The following NUP58 variants were observed in gnomAD, a reference collection of about 807,000 sequenced individuals.
NUP58 encodes the protein nucleoporin p58/p45.
A neutral mutation model predicts 70.1 loss-of-function variants in NUP58; 17 were observed. The observed-to-expected ratio is 0.24, with a 90% CI of 0.17 to 0.36. NUP58 has a LOEUF of 0.36. Among genes scored for constraint, NUP58 ranks in the 10% least tolerant of loss-of-function variants. The pLI is 1.00. For synonymous variants in NUP58, 275 were observed against 257.6 expected (o/e 1.07, Z -0.65); for missense variants, 644 against 701.5 (o/e 0.92, Z 0.93).
intron 14 of NUP58, among the ~76,000 whole-genome samples, chr13:25,337,865 C>T (rs1593202096): frequency 6.6e-6 from 1 of 152,086 alleles, no homozygotes; most frequent in Admixed American, 6.5e-5. Flanking sequence ...CTGTCACACT[C>T]AGTATTTTAG....
In NUP58 at chr13:25,342,228, A is replaced by C. The variant is rs2031979289; in HGVS notation, c.*2094A>C. On this transcript the variant is annotated 3_prime_UTR_variant, in exon 16 of 16. Coordinates refer to ENST00000381736, the MANE Select transcript of NUP58 (RefSeq NM_014089.4). Reference sequence around the variant, plus strand: ...TTTAAAAGACATTTCATTGTACTGCAAAAATCTGAATATTTATATTTCTTG... The same window carrying C: ...TTTAAAAGACATTTCATTGTACTGCCAAAATCTGAATATTTATATTTCTTG... 1 of 152,646 alleles carries C rather than the reference A, an allele frequency of 6.6e-6. No homozygotes were observed. The highest frequency in any genetic ancestry group is 2.4e-5 in the African/African-American group (1 of 41,454). 9.5% of individuals were successfully genotyped at this position (152,646 alleles called of 1,614,324 possible). A position where few individuals can be genotyped will look rare whatever the true frequency, so the allele number is the denominator to read the frequency against.
intron 6 of NUP58, among the ~76,000 whole-genome samples, chr13:25,317,424 T>C (rs1334156851): frequency 2.0e-5 from 3 of 152,310 alleles, no homozygotes; most frequent in Admixed American, 2.0e-4. Flanking sequence ...CATGGAGAAC[T>C]GTTAGGAAGC....
chr13:25,317,003 C>T (rs138515885), intron 6 of NUP58, among the ~76,000 whole-genome samples: 2 of 152,200 alleles, frequency 1.3e-5, no homozygotes, highest in East Asian at 3.9e-4. Context: ...TCCCAGTTCC[C>T]TTTTATCTAT....
At chr13:25,317,371 T>A (rs1406250915) in intron 6 of NUP58, among the ~76,000 whole-genome samples, 3 of 152,206 alleles carry the variant, frequency 2.0e-5, no homozygotes, top group African/African-American at 7.2e-5. Flanking sequence ...AAGAGCATTC[T>A]GACAGCCATA....
At chr13:25,342,953 C>A (rs2031994936), downstream of NUP58, among the ~76,000 whole-genome samples, 1 of 152,114 alleles carries the variant, frequency 6.6e-6, no homozygotes, top group Admixed American at 6.5e-5. Flanking sequence ...CATACTGTCC[C>A]ATAGAATGGG....
chr13:25,310,371 C>T (rs1356251534), intron 3 of NUP58, among the ~76,000 whole-genome samples: 1 of 151,784 alleles, frequency 6.6e-6, no homozygotes, highest in African/African-American at 2.4e-5. Flanking sequence ...CAGGCATGTG[C>T]CACCACGCCT....
At chr13:25,332,787 ATTG>A in intron 13 of NUP58, 1 of 985,262 alleles carries the variant, frequency 1.0e-6, no homozygotes, top group African/African-American at 1.7e-5. Context: ...GTAGGATTGC[ATTG>A]TTAAGTTATG....
chr13:25,304,521 T>TGTGTA (rs1491553153), intron 1 of NUP58, among the ~76,000 whole-genome samples: 18 of 53,394 alleles, frequency 3.4e-4, no homozygotes, highest in African/African-American at 1.1e-3. Flanking sequence ...TATATATGTA[T>TGTGTA]TTTTTTTTTT....
At chr13:25,347,543 A>C (rs1192643448) in intron 3 of NUP58, among the ~76,000 whole-genome samples, 1 of 152,170 alleles carries the variant, frequency 6.6e-6, no homozygotes, top group Non-Finnish European at 1.5e-5. Flanking sequence ...TAGCAACCAC[A>C]AGTCTCAGTG....
intron 1 of NUP58, among the ~76,000 whole-genome samples, chr13:25,305,034 G>T (rs903269193): frequency 2.0e-5 from 3 of 151,286 alleles, no homozygotes; most frequent in Admixed American, 6.6e-5. Context: ...CGCTCACTTA[G>T]GTTTCTGTGT....
chr13:25,311,197 C>CA (rs919066992), intron 3 of NUP58, among the ~76,000 whole-genome samples: 3 of 152,012 alleles, frequency 2.0e-5, no homozygotes, highest in African/African-American at 7.3e-5. Context: ...GCTTAGAAAT[C>CA]AGAGGTGGAA....
At chr13:25,332,317 C>G in intron 13 of NUP58, 1 of 985,306 alleles carries the variant, frequency 1.0e-6, no homozygotes, top group Non-Finnish European at 1.2e-6. Flanking sequence ...TGTGGTCATT[C>G]TACAGTGTTT....
chr13:25,332,552 A>G (rs1260717274), intron 13 of NUP58: 3 of 984,718 alleles, frequency 3.0e-6, no homozygotes, highest in African/African-American at 1.7e-5. Context: ...AAATTAATAC[A>G]TATTTAGATT....
chr13:25,332,710 G>A (rs1028973940), intron 13 of NUP58: 3 of 985,296 alleles, frequency 3.0e-6, no homozygotes, highest in African/African-American at 3.5e-5. Context: ...TCCATATCCC[G>A]TGGCTGGACC....
chr13:25,327,723 T>A (rs879054187), intron 12 of NUP58, among the ~76,000 whole-genome samples: 1 of 152,224 alleles, frequency 6.6e-6, no homozygotes, highest in Non-Finnish European at 1.5e-5. Flanking sequence ...TAGTCTGTTA[T>A]TATAACTTTT....
chr13:25,332,373 G>T, intron 13 of NUP58: 1 of 985,294 alleles, frequency 1.0e-6, no homozygotes, highest in Non-Finnish European at 1.2e-6. Flanking sequence ...TCTTAATCCT[G>T]CCATCCCTTT....
intron 13 of NUP58, chr13:25,334,160 ATCGATAACG>A (rs1375246204): frequency 2.0e-6 from 2 of 985,334 alleles, no homozygotes; most frequent in Non-Finnish European, 2.4e-6. Flanking sequence ...AATCATGAGC[ATCGATAACG>A]TGGATAACGT....
chr13:25,335,815 T>C (rs2031760230), intron 13 of NUP58: 2 of 985,880 alleles, frequency 2.0e-6, no homozygotes, highest in Non-Finnish European at 2.4e-6. Flanking sequence ...TAAATTTTAG[T>C]GTGTATATTA....
intron 2 of NUP58, 101 bp downstream of exon 2, chr13:25,308,049 A>C: frequency 7.5e-7 from 1 of 1,338,916 alleles, no homozygotes; most frequent in South Asian, 1.6e-5. Flanking sequence ...CTGGTAGTAG[A>C]CCTTAAAAAA....
Sources: gnomAD v4.1 joint callset for allele counts (sites outside exome capture counted in the v4.1 genomes callset) on GRCh38, gnomAD v4.1.1 for gene constraint, MANE v1.5 for transcripts, NCBI Gene and HGNC (gene_info 2026-07-23, HGNC 2026-07-21) for gene names.